CUX2: variants seen among roughly 807,000 people sequenced by gnomAD.
CUX2 encodes homeobox protein cut-like 2.
Under a neutral mutation model 144.8 loss-of-function variants are expected in CUX2, and 40 were observed. The ratio of observed to expected loss-of-function variants is 0.28; its 90% CI spans 0.21 to 0.36. The LOEUF is 0.36. Among genes scored for constraint, CUX2 ranks in the 10% least tolerant of loss-of-function variants. The pLI is 1.00. For synonymous variants in CUX2, 827 were observed against 875.6 expected (o/e 0.94, Z 0.98); for missense variants, 1,615 against 1,994.0 (o/e 0.81, Z 3.62).
intron 16 of CUX2, among the ~76,000 whole-genome samples, chr12:111,318,255 T>TCAC (rs1887300358): frequency 6.8e-6 from 1 of 146,374 alleles, no homozygotes; most frequent in African/African-American, 2.6e-5. Context: ...CTTTTTTTTT[T>TCAC]TTTTTTCACT....
At chr12:111,294,496 T>A (rs1885861246) in intron 6 of CUX2, among the ~76,000 whole-genome samples, 1 of 148,660 alleles carries the variant, frequency 6.7e-6, no homozygotes. Context: ...GAGCAGAGGA[T>A]CACTTGAGCC....
intron 1 of CUX2, among the ~76,000 whole-genome samples, chr12:111,154,404 G>C (rs949693994): frequency 6.6e-6 from 1 of 152,068 alleles, no homozygotes; most frequent in Non-Finnish European, 1.5e-5. Context: ...AGGCCACAGG[G>C]CTCCTCCCTC....
chr12:111,055,609 C>T lies in CUX2; in HGVS notation c.63+21369C>T, dbSNP rs945532755. The stretch of plus-strand genomic sequence containing the variant: ...TCCCTGGAGGGGGCGAGGAGAGAAA[C>T]CAAGGCCCAGCTCCTGCCTCCCGCC... On this transcript the variant is annotated intron_variant, in intron 1 of 21. Transcript: ENST00000261726. Among the ~76,000 whole-genome samples, 3 of 152,238 alleles carry T rather than the reference C, an allele frequency of 2.0e-5. No individual in the cohort carries two copies. In the South Asian group the frequency reaches 6.2e-4, roughly 31 times the overall value.
rs1746960998 is a variant in CUX2 at position 111,320,083 on chromosome 12, G to A, written c.2074G>A (p.Ala692Thr). 3 of 1,555,474 alleles carry A rather than the reference G, an allele frequency of 1.9e-6. No individual in the cohort carries two copies. The highest frequency in any genetic ancestry group is 2.7e-5 in the African/African-American group (2 of 73,444). ...GACCCCCGCCAGCACCTCGGAGGAC[G>A]CCATCAAGAGCATCCTGGAGCAGGC... ...GTTPASTSED[A>T]IKSILEQARR... The change falls in exon 17 of 22, where the codon GCC (alanine) becomes ACC (threonine). Residue 692 changes from alanine to threonine, a missense_variant. Around this residue, in one of 12 missense-constraint regions of CUX2, gnomAD observed 390 missense variants for 387.1 expected, o/e 1.01. Transcript: ENST00000261726. The surrounding 1 kb of genome is among the most constrained non-coding windows in gnomAD (Gnocchi z 8.1).
At position 111,297,429 on chromosome 12, in the gene CUX2, G is replaced by A. The variant is rs543548166; in HGVS notation, c.704+890G>A. Among the ~76,000 whole-genome samples the A allele has an allele frequency of 3.7e-4, 56 of 152,242 alleles. No individual in the cohort carries two copies. The South Asian group carries it at 0.011, about 29-fold the overall frequency. ...GCACCTCTGCTCCTCACCCCCAAAG[G>A]CACACAGCTGTCATTTGCTGTGCCA... On this transcript the variant is annotated intron_variant, in intron 8 of 21. Transcript: ENST00000261726.
chr12:111,066,291 A>G lies in CUX2; in HGVS notation c.63+32051A>G, dbSNP rs1010338922. Among the ~76,000 whole-genome samples the G allele has an allele frequency of 2.0e-5, 3 of 152,224 alleles. No homozygotes were observed. The East Asian group carries it at 5.8e-4, about 29-fold the overall frequency. ...ATTTAAAGGGATGCTGGTATACCTT[A>G]TCCAGTATTTCTGGGTGTTTTATAG... On this transcript the variant is annotated intron_variant, in intron 1 of 21. Transcript: ENST00000261726.
At chr12:111,294,722 C>T (rs956807940) in intron 6 of CUX2, among the ~76,000 whole-genome samples, 1 of 151,768 alleles carries the variant, frequency 6.6e-6, no homozygotes, top group Non-Finnish European at 1.5e-5. Flanking sequence ...CATGGTGAAA[C>T]CCTGTCTCTA....
intron 16 of CUX2, among the ~76,000 whole-genome samples, chr12:111,317,932 A>G (rs1439864005): frequency 6.6e-6 from 1 of 152,138 alleles, no homozygotes; most frequent in African/African-American, 2.4e-5. Context: ...CCTGGGAGGC[A>G]GAAGTTGAGG....
chr12:111,213,462 G>A (rs1426296276), intron 1 of CUX2, among the ~76,000 whole-genome samples: 1 of 152,014 alleles, frequency 6.6e-6, no homozygotes, highest in East Asian at 1.9e-4. Flanking sequence ...TCCCTCGCTG[G>A]TACATCCTAT....
chr12:111,156,846 G>A (rs1286533947), intron 1 of CUX2, among the ~76,000 whole-genome samples: 2 of 151,690 alleles, frequency 1.3e-5, no homozygotes, highest in Admixed American at 6.6e-5. Flanking sequence ...GAGTGGTGGC[G>A]CATGCCTGTA....
intron 1 of CUX2, among the ~76,000 whole-genome samples, chr12:111,156,149 G>T (rs1271776548): frequency 2.6e-5 from 4 of 152,084 alleles, no homozygotes; most frequent in Non-Finnish European, 5.9e-5. Context: ...TAATCCCGGG[G>T]CAGAAACGTA....
rs1886633765 is a variant in CUX2 at position 111,307,233 on chromosome 12, A to T, written c.1085A>T (p.Tyr362Phe). ...LEEKLQAQSD[Y>F]EEIKTELSIL... ...GAGAAGCTCCAGGCCCAGTCTGACT[A>T]TGAGGAAATTAAAACGGAGCTGAGG... is the stretch of plus-strand genomic sequence containing the variant. The change falls in exon 12 of 22, where the codon TAT becomes TTT. Residue 362 changes from tyrosine (Y) to phenylalanine (F), a missense_variant. Physicochemically the swap from Tyr to Phe is conservative, Grantham distance 22. Around this residue, in one of 12 missense-constraint regions of CUX2, gnomAD observed 2 missense variants for 16.2 expected, o/e 0.12. Transcript: ENST00000261726. This position sits in a 1 kb window ranked among gnomAD's most constrained non-coding sequence, Gnocchi z 4.1. The T allele has an allele frequency of 6.2e-7, 1 of 1,613,998 alleles. No individual in the cohort carries two copies. The highest frequency in any genetic ancestry group is 2.2e-5 in the East Asian group (1 of 44,878).
At chr12:111,172,226 A>G (rs920596833) in intron 1 of CUX2, among the ~76,000 whole-genome samples, 1 of 152,224 alleles carries the variant, frequency 6.6e-6, no homozygotes, top group Non-Finnish European at 1.5e-5. Context: ...CAGGAGCCAG[A>G]TATCAATTTC....
In CUX2 at chr12:111,192,743, GT is replaced by G. The variant is rs144709684; in HGVS notation, c.64-21454del. Among the ~76,000 whole-genome samples the G allele has an allele frequency of 2.9e-3, 445 of 152,312 alleles. 2 individuals carry two copies. Among genetic ancestry groups the G allele is most frequent in the African/African-American group, 0.01 (434 of 41,550 alleles). ...GATGTCCTGAGACCTTTTCCTTGGG[GT>G]TTGCAAGATCAAATTACTTTCGTAA... is the stretch of plus-strand genomic sequence containing the variant. On this transcript the variant is annotated intron_variant, in intron 1 of 21. Transcript: ENST00000261726.
rs1460345203 is a variant in CUX2 at position 111,287,468 on chromosome 12, T to TA, written c.302-3944dup. ...ATAGGAAGCGTTTCCTTGAACTTATTAAAAAATCCAGACTTGTAAATTAAT... is the reference window on the plus strand; with the variant it reads ...ATAGGAAGCGTTTCCTTGAACTTATTAAAAAAATCCAGACTTGTAAATTAAT... On this transcript the variant is annotated intron_variant, in intron 4 of 21. Transcript: ENST00000261726. The surrounding 1 kb of genome is among the most constrained non-coding windows in gnomAD (Gnocchi z 4.2). 6.6e-6 allele frequency among the ~76,000 whole-genome samples: 1 copy of TA among 152,266 alleles called. No individual in the cohort carries two copies. Among genetic ancestry groups the TA allele is most frequent in the Non-Finnish European group, 1.5e-5 (1 of 68,048 alleles).
At chr12:111,095,280 A>G (rs1872754329) in intron 1 of CUX2, among the ~76,000 whole-genome samples, 1 of 152,058 alleles carries the variant, frequency 6.6e-6, no homozygotes, top group Admixed American at 6.5e-5. Flanking sequence ...GCAACATGGT[A>G]AAACCCCATC....
At chr12:111,284,698 C>G (rs1282829040) in intron 4 of CUX2, among the ~76,000 whole-genome samples, 2 of 152,214 alleles carry the variant, frequency 1.3e-5, no homozygotes, top group Non-Finnish European at 2.9e-5. Context: ...CCAGATGGCT[C>G]TGCCTACAGA....
At chr12:111,121,510 G>A (rs1874691162) in intron 1 of CUX2, among the ~76,000 whole-genome samples, 1 of 151,232 alleles carries the variant, frequency 6.6e-6, no homozygotes, top group Non-Finnish European at 1.5e-5. Flanking sequence ...CCGAGTAGCT[G>A]GGACTACAGG....
At chr12:111,253,098 G>C (rs1413900836) in intron 3 of CUX2, among the ~76,000 whole-genome samples, 2 of 152,066 alleles carry the variant, frequency 1.3e-5, no homozygotes, top group South Asian at 2.1e-4. Flanking sequence ...TGTTCTCCTG[G>C]AACTCGGCAG....
Sources: gnomAD v4.1 joint callset for allele counts (sites outside exome capture counted in the v4.1 genomes callset) on GRCh38, gnomAD v4.1.1 for gene constraint, gnomAD v4.1.1 regional missense constraint, Gnocchi (gnomAD v3.1) non-coding constraint, MANE v1.5 for transcripts, NCBI Gene and HGNC (gene_info 2026-07-23, HGNC 2026-07-21) for gene names.